HERC1: variants seen among roughly 807,000 people sequenced by gnomAD.
The protein encoded by HERC1 is probable E3 ubiquitin-protein ligase HERC1.
In HERC1, 160 loss-of-function variants were observed where a neutral mutation model predicts 554.3. The ratio of observed to expected loss-of-function variants is 0.29; its 90% CI spans 0.25 to 0.33. HERC1 has a LOEUF of 0.33. Among genes scored for constraint, HERC1 ranks in the 10% least tolerant of loss-of-function variants. The probability of loss-of-function intolerance (pLI) is 1.00; values close to 1 mark genes in which losing one functional copy is unlikely to be tolerated. For missense variants in HERC1, 4,919 were observed against 5,918.5 expected (o/e 0.83, Z 5.54); for synonymous variants, 2,175 against 2,131.7 (o/e 1.02, Z -0.56).
chr15:63,825,886 C>A (rs2077884116), intron 1 of HERC1, among the ~76,000 whole-genome samples: 1 of 151,980 alleles, frequency 6.6e-6, no homozygotes, highest in Admixed American at 6.6e-5. Flanking sequence ...CCTCAGCCTC[C>A]CGAGTAGCTG....
intron 1 of HERC1, chr15:63,780,507 G>T (rs1164257563): frequency 2.0e-5 from 3 of 152,208 alleles, no homozygotes; most frequent in African/African-American, 7.2e-5. Context: ...GGATCACGAG[G>T]TCAGGAGATT....
At chr15:63,723,942 T>C (rs1044382601) in intron 18 of HERC1, among the ~76,000 whole-genome samples, 15 of 152,200 alleles carry the variant, frequency 9.9e-5, no homozygotes, top group African/African-American at 3.6e-4. Context: ...AACAAAACCA[T>C]GTTCTAAGTG....
intron 1 of HERC1, among the ~76,000 whole-genome samples, chr15:63,793,448 CA>C (rs1339131690): frequency 6.6e-6 from 1 of 152,138 alleles, no homozygotes; most frequent in Admixed American, 6.5e-5. Context: ...AATGCCCTAG[CA>C]ATGTCAGAAA....
chr15:63,709,442 C>T (rs765671111), intron 24 of HERC1, among the ~76,000 whole-genome samples: 5 of 152,090 alleles, frequency 3.3e-5, no homozygotes, highest in Non-Finnish European at 7.4e-5. Flanking sequence ...CTGTTGTCCC[C>T]ATTTATAATT....
Position 63,687,537 on chromosome 15 carries a change from C to CA in HERC1, c.6049-1003dup, listed in dbSNP as rs896111983. On this transcript the variant is annotated intron_variant, in intron 33 of 77. Transcript: ENST00000443617. ...TGGGTGACAGAGCGAGACTCTGTCT[C>CA]AAAAAAAAAAAAGAAAGAAATAGTG... Among the ~76,000 whole-genome samples, 1,265 of 130,622 alleles carry CA rather than the reference C, an allele frequency of 9.7e-3. 14 individuals are homozygous for CA. The highest frequency in any genetic ancestry group is 0.029 in the African/African-American group (1,051 of 35,632). The allele number at this position is 130,622 out of a possible 152,430, so 85.7% of individuals were successfully genotyped here. A position where few individuals can be genotyped will look rare whatever the true frequency, so the allele number is the denominator to read the frequency against.
intron 1 of HERC1, among the ~76,000 whole-genome samples, chr15:63,783,304 C>A (rs1208347455): frequency 1.3e-5 from 2 of 152,070 alleles, no homozygotes; most frequent in Admixed American, 6.5e-5. Flanking sequence ...TTTCAGCAAC[C>A]CCCATCCCGA....
chr15:63,761,901 G>C (rs1164465941), intron 3 of HERC1, among the ~76,000 whole-genome samples: 3 of 152,164 alleles, frequency 2.0e-5, no homozygotes, highest in African/African-American at 4.8e-5. Flanking sequence ...GAATTTGAAA[G>C]TATCAGTATG....
chr15:63,712,334 A>G (rs2073340598), intron 24 of HERC1, among the ~76,000 whole-genome samples: 1 of 152,246 alleles, frequency 6.6e-6, no homozygotes, highest in Admixed American at 6.5e-5. Context: ...AAAATTTTTA[A>G]GACTTAACTG....
At chr15:63,636,259 G>C in intron 64 of HERC1, 117 bp from the exon 65 acceptor site, 10 of 735,356 alleles carry the variant, frequency 1.4e-5, no homozygotes, top group Non-Finnish European at 2.1e-5. Flanking sequence ...ATGAAAATAA[G>C]AATAATTTCA....
intron 14 of HERC1, among the ~76,000 whole-genome samples, chr15:63,730,683 T>C (rs954522099): frequency 6.6e-6 from 1 of 152,218 alleles, no homozygotes; most frequent in East Asian, 1.9e-4. Context: ...GAAAATGTCC[T>C]GGTTTTTTAA....
chr15:63,784,092 T>C (rs1457639626), intron 1 of HERC1, among the ~76,000 whole-genome samples: 1 of 151,302 alleles, frequency 6.6e-6, no homozygotes. Context: ...ATAAAACTCA[T>C]GCTCATACTC....
At chr15:63,807,335 G>A (rs1033907876) in intron 1 of HERC1, among the ~76,000 whole-genome samples, 2 of 152,118 alleles carry the variant, frequency 1.3e-5, no homozygotes, top group Admixed American at 6.5e-5. Flanking sequence ...GGGAGGATGA[G>A]AAGTAAAAGA....
chr15:63,703,103 C>G (rs2072814693), intron 25 of HERC1, among the ~76,000 whole-genome samples: 1 of 128,968 alleles, frequency 7.8e-6, no homozygotes, highest in East Asian at 2.0e-4. Context: ...GAGCGAGACT[C>G]TGTCTCAAAA....
At position 63,612,477 on chromosome 15, in the gene HERC1, T is replaced by C; in HGVS notation, c.14174A>G (p.Gln4725Arg). Residue 4725 changes from glutamine (Q) to arginine (R), a missense_variant, in exon 77 of 78, where the codon CAG becomes CGG. Coordinates refer to ENST00000443617, the MANE Select transcript of HERC1 (RefSeq NM_003922.4). This position sits in a 1 kb window ranked among gnomAD's most constrained non-coding sequence, Gnocchi z 5.0. ...LSLLTAKQLE[Q>R]MVCGMPEISV... ...GATCTCGGGCATCCCACACACCATCTGCTCCAGTTGTTTTGCTGTGAGGAG... is the reference window on the plus strand; with the variant it reads ...GATCTCGGGCATCCCACACACCATCCGCTCCAGTTGTTTTGCTGTGAGGAG... 1 of 1,614,050 alleles carries C rather than the reference T, an allele frequency of 6.2e-7. No homozygotes were observed. Among genetic ancestry groups the C allele is most frequent in the East Asian group, 2.2e-5 (1 of 44,892 alleles).
At chr15:63,676,061 G>A (rs1051121886) in intron 37 of HERC1, among the ~76,000 whole-genome samples, 2 of 151,958 alleles carry the variant, frequency 1.3e-5, no homozygotes, top group Non-Finnish European at 2.9e-5. Flanking sequence ...ACGCCACTAC[G>A]GCTGGCTTTT....
In HERC1 at chr15:63,690,588, C is replaced by T. The variant is rs746933443; in HGVS notation, c.5890G>A (p.Val1964Met). 6.2e-7 allele frequency: 1 copy of T among 1,613,486 alleles called. No individual in the cohort carries two copies. Among genetic ancestry groups the T allele is most frequent in the Non-Finnish European group, 8.5e-7 (1 of 1,179,592 alleles). ...RLLALHVLEA[V>M]LPACESGVED... ...ACACCAGATTCACAAGCTGGCAGCACAGCTTCAAGGACATGAAGTGCAAGG... is the reference window on the plus strand; with the variant it reads ...ACACCAGATTCACAAGCTGGCAGCATAGCTTCAAGGACATGAAGTGCAAGG... Residue 1964 changes from valine (V) to methionine (M), a missense_variant, in exon 32 of 78, where the codon GTG becomes ATG. By Grantham distance (21) the Val-to-Met change is conservative (BLOSUM62 1). This residue lies in a region of HERC1 where 1,121 missense variants were observed against 1,244.0 expected (regional missense o/e 0.90). Transcript: ENST00000443617.
intron 13 of HERC1, among the ~76,000 whole-genome samples, chr15:63,733,848 T>G (rs1390631426): frequency 6.7e-6 from 1 of 150,364 alleles, no homozygotes; most frequent in Non-Finnish European, 1.5e-5. Context: ...CAAAACCCTG[T>G]CTCAAAAAGA....
chr15:63,763,693 A>G (rs2075683181), intron 3 of HERC1, among the ~76,000 whole-genome samples: 2 of 151,968 alleles, frequency 1.3e-5, no homozygotes, highest in South Asian at 4.2e-4. Flanking sequence ...TACTTTGGGG[A>G]GGAGAAAAGA....
chr15:63,698,929 C>G lies in HERC1; in HGVS notation c.4704G>C (p.Trp1568Cys), dbSNP rs769883294. ...SWARLKHSRD[W>C]LCNSSYSFES... Reference sequence around the variant, plus strand: ...CAAAGGAATAGGAGGAGTTGCATAACCAGTCTCTGCTATGTTTCAGGCGAG... The same window carrying G: ...CAAAGGAATAGGAGGAGTTGCATAAGCAGTCTCTGCTATGTTTCAGGCGAG... The change falls in exon 26 of 78, where the codon TGG (tryptophan) becomes TGC (cysteine). Residue 1568 changes from tryptophan (W) to cysteine (C), a missense_variant. Physicochemically the swap from Trp to Cys is radical, Grantham distance 215. Transcript: ENST00000443617. The G allele has an allele frequency of 9.3e-6, 15 of 1,613,704 alleles. No individual in the cohort carries two copies. The highest frequency in any genetic ancestry group is 1.2e-5 in the Non-Finnish European group (14 of 1,179,734).
Sources: allele counts gnomAD v4.1 joint callset (sites outside exome capture counted in the v4.1 genomes callset), GRCh38; gene constraint gnomAD v4.1.1; regional missense constraint gnomAD v4.1.1; non-coding constraint Gnocchi (gnomAD v3.1); transcripts MANE v1.5; gene names NCBI Gene and HGNC (gene_info 2026-07-23, HGNC 2026-07-21).